The following SNUPN variants were observed in gnomAD, a reference collection of about 807,000 sequenced individuals.
SNUPN encodes snurportin-1.
In SNUPN, 31 loss-of-function variants were observed where a neutral mutation model predicts 39.2. The observed-to-expected ratio is 0.79, with a 90% CI of 0.59 to 1.07. The LOEUF is 1.07. SNUPN is among the 50% of genes least tolerant of loss of function. The pLI is 0.00. For synonymous variants in SNUPN, 132 were observed against 159.0 expected, an observed-to-expected ratio of 0.83 and a Z score of 1.28; for missense variants, 382 against 434.2, an observed-to-expected ratio of 0.88 and a Z score of 1.07.
chr15:75,615,286 T>C (rs1314816869), intron 3 of SNUPN, among the ~76,000 whole-genome samples: 1 of 152,092 alleles, frequency 6.6e-6, no homozygotes, highest in Non-Finnish European at 1.5e-5. Context: ...ATTACAGGCA[T>C]GAGCCACTGT....
At chr15:75,609,434 C>T (rs1406663604) in intron 5 of SNUPN, 124 bp downstream of exon 5, 11 of 703,054 alleles carry the variant, frequency 1.6e-5, no homozygotes, top group Non-Finnish European at 2.8e-5. Flanking sequence ...CATGATCCAC[C>T]CGCCTCGGCC....
intron 8 of SNUPN, among the ~76,000 whole-genome samples, chr15:75,599,945 A>C (rs2075272323): frequency 6.6e-6 from 1 of 151,606 alleles, no homozygotes; most frequent in African/African-American, 2.4e-5. Flanking sequence ...TCCCGGGTTC[A>C]AGAGATTCTC....
At chr15:75,619,980 C>T (rs528558907) in intron 2 of SNUPN, among the ~76,000 whole-genome samples, 71 of 152,236 alleles carry the variant, frequency 4.7e-4, no homozygotes, top group Admixed American at 3.1e-3. Flanking sequence ...AACTCCTGAC[C>T]TCAGGTGATC....
At chr15:75,606,439 G>A (rs1022607562) in intron 6 of SNUPN, among the ~76,000 whole-genome samples, 2 of 151,474 alleles carry the variant, frequency 1.3e-5, no homozygotes, top group Admixed American at 6.6e-5. Context: ...CTGGTCTGGA[G>A]ACTACACACC....
intron 6 of SNUPN, 52 bp from the exon 7 acceptor site, chr15:75,605,279 T>TA (rs1223172477): frequency 8.2e-7 from 1 of 1,216,802 alleles, no homozygotes; most frequent in Admixed American, 2.1e-5. Context: ...TTTCAAACTC[T>TA]AATATAAACA....
chr15:75,620,553 C>A (rs755392093), intron 2 of SNUPN, among the ~76,000 whole-genome samples: 2 of 152,172 alleles, frequency 1.3e-5, no homozygotes, highest in African/African-American at 2.4e-5. Context: ...ACACAAGCAT[C>A]CCAGGAAATG....
At chr15:75,622,442 C>T (rs997565208) in intron 1 of SNUPN, 1 of 985,184 alleles carries the variant, frequency 1.0e-6, no homozygotes, top group Admixed American at 6.2e-5. Context: ...ACAAGACAGG[C>T]ATGGAGTAGA....
intron 2 of SNUPN, among the ~76,000 whole-genome samples, chr15:75,617,900 C>G (rs1393276479): frequency 6.6e-6 from 1 of 152,054 alleles, no homozygotes; most frequent in Non-Finnish European, 1.5e-5. Flanking sequence ...GTCTTTATGT[C>G]TTTTAGGAAG....
chr15:75,617,665 T>G, intron 2 of SNUPN, 113 bp from the exon 3 acceptor site: 1 of 1,193,414 alleles, frequency 8.4e-7, no homozygotes, highest in Non-Finnish European at 1.1e-6. Flanking sequence ...CACTGCAGCC[T>G]CAACCTCCTG....
chr15:75,622,412 C>T (rs1893095568), intron 1 of SNUPN: 1 of 985,090 alleles, frequency 1.0e-6, no homozygotes, highest in African/African-American at 1.7e-5. Flanking sequence ...TGAAGAACTT[C>T]CATAAAGTAC....
chr15:75,617,546 C>T lies in SNUPN; in HGVS notation c.165G>A (p.Arg55=). ...RRLLELQKSK[R]LDYVNHARRL... ...TTCTGGCATGGTTCACATAATCCAG[C>T]CGCTTGCTGGAAGGAAAAAAAAGGC... Residue 55 remains arginine, a synonymous_variant, in exon 3 of 9, where the codon CGG becomes CGA. Transcript: ENST00000308588. 6.8e-6 allele frequency: 11 copies of T among 1,606,462 alleles called. No homozygotes were observed. Among genetic ancestry groups the T allele is most frequent in the Non-Finnish European group, 9.3e-6 (11 of 1,178,016 alleles).
intron 2 of SNUPN, among the ~76,000 whole-genome samples, chr15:75,619,908 C>T (rs1893027142): frequency 1.3e-5 from 2 of 152,130 alleles, no homozygotes; most frequent in Middle Eastern, 3.4e-3. Flanking sequence ...ACCACCATGT[C>T]GGGCTAATTT....
At chr15:75,615,398 C>G (rs1017498054) in intron 3 of SNUPN, among the ~76,000 whole-genome samples, 19 of 152,198 alleles carry the variant, frequency 1.2e-4, no homozygotes, top group African/African-American at 4.6e-4. Context: ...GCAAACTGCT[C>G]CCGGGCACAC....
rs560423432 is a variant in SNUPN, at chr15:75,605,329, T to C, written c.601-102A>G. ...TATTTTTTTTTTTTTTTTTTTGAGA[T>C]GGAGTGTTGCTCTGTCACCCAGGCT... is the stretch of plus-strand genomic sequence containing the variant. On this transcript the variant is annotated intron_variant, in intron 6 of 8. Transcript: ENST00000308588. The C allele has an allele frequency of 8.8e-4, 592 of 668,978 alleles. 2 individuals are homozygous for C. The highest frequency in any genetic ancestry group is 1.3e-3 in the Non-Finnish European group (534 of 405,412). 41.4% of individuals were successfully genotyped at this position (668,978 alleles called of 1,614,324 possible).
intron 3 of SNUPN, among the ~76,000 whole-genome samples, chr15:75,615,892 G>A (rs532728209): frequency 1.3e-5 from 2 of 152,122 alleles, no homozygotes; most frequent in Non-Finnish European, 1.5e-5. Flanking sequence ...ACAGGCGTGA[G>A]CCACTGCACC....
At chr15:75,605,505 T>C (rs754921838) in intron 6 of SNUPN, 9 of 279,642 alleles carry the variant, frequency 3.2e-5, no homozygotes, top group Non-Finnish European at 5.5e-5. Context: ...TTCACCATGT[T>C]GGCCAGAGTG....
intron 5 of SNUPN, among the ~76,000 whole-genome samples, chr15:75,609,174 C>CTTTTTTTT (rs1205961290): frequency 1.1e-5 from 1 of 89,672 alleles, no homozygotes; most frequent in Non-Finnish European, 2.4e-5. Context: ...CAAAGTGGGT[C>CTTTTTTTT]TTTTTTTTTT....
At chr15:75,604,422 A>T (rs1315034731) in intron 7 of SNUPN, among the ~76,000 whole-genome samples, 1 of 152,158 alleles carries the variant, frequency 6.6e-6, no homozygotes, top group Non-Finnish European at 1.5e-5. Flanking sequence ...TCGGCCTCCC[A>T]AAGTGCTGGG....
intron 2 of SNUPN, among the ~76,000 whole-genome samples, chr15:75,618,031 T>C (rs958616345): frequency 8.5e-5 from 13 of 152,122 alleles, no homozygotes; most frequent in Admixed American, 5.9e-4. Context: ...GACCGCCCCC[T>C]CAAAATCCTA....
Sources: gnomAD v4.1 joint callset for allele counts (sites outside exome capture counted in the v4.1 genomes callset) on GRCh38, gnomAD v4.1.1 for gene constraint, MANE v1.5 for transcripts, NCBI Gene and HGNC (gene_info 2026-07-23, HGNC 2026-07-21) for gene names.